Variants in OTOF observed in about 807,000 individuals in gnomAD.
The protein encoded by OTOF is fer-1-like family member 2.
A neutral mutation model predicts 236.8 loss-of-function variants in OTOF; 218 were observed. That is an observed-to-expected ratio of 0.92 (90% CI 0.82 to 1.03). The LOEUF (loss-of-function observed/expected upper bound fraction) is 1.03. Ranked by LOEUF, OTOF falls within the 50% of genes least tolerant of loss-of-function variation. OTOF has a pLI of 0.00. For synonymous variants in OTOF, 1,041 were observed against 1,072.5 expected (o/e 0.97, Z 0.57); for missense variants, 2,590 against 2,694.4 (o/e 0.96, Z 0.86).
In OTOF at chr2:26,460,670, T is replaced by C. The variant is rs781397996; in HGVS notation, c.5790A>G (p.Glu1930=). 1 of 1,613,820 alleles carries C rather than the reference T, an allele frequency of 6.2e-7. No individual in the cohort carries two copies. The highest frequency in any genetic ancestry group is 1.1e-5 in the South Asian group (1 of 91,070). The change falls in exon 45 of 47, where the codon GAA becomes GAG. Residue 1930 remains glutamate, a synonymous_variant. Transcript: ENST00000272371. This position sits in a 1 kb window ranked among gnomAD's most constrained non-coding sequence, Gnocchi z 5.3. ...ACTTGGGTTTCTCTAGGGGGTCAGG[T>C]TCATTGCGGGCCAGGCCCACTGGGT... ...EKNPVGLARN[E]PDPLEKPNRP... is the part of the protein sequence containing the mutation.
chr2:26,538,369 G>C (rs1030626384), intron 1 of OTOF, among the ~76,000 whole-genome samples: 7 of 152,244 alleles, frequency 4.6e-5, no homozygotes, highest in Admixed American at 1.3e-4. Context: ...GTCAGCCTTA[G>C]CAGAGAAGAC....
At position 26,493,558 on chromosome 2, in the gene OTOF, C is replaced by T. The variant is rs1457354701; in HGVS notation, c.897+1384G>A. On this transcript the variant is annotated intron_variant, in intron 9 of 46. Coordinates refer to ENST00000272371, the MANE Select transcript of OTOF (RefSeq NM_194248.3). ...AGGCCTGGGCATCCTGGTGAGAAAACATTTTCAATGGTCCATTTTCAAGGC... is the reference window on the plus strand; with the variant it reads ...AGGCCTGGGCATCCTGGTGAGAAAATATTTTCAATGGTCCATTTTCAAGGC... Among the ~76,000 whole-genome samples the T allele has an allele frequency of 2.6e-5, 4 of 152,190 alleles. No homozygotes were observed. The East Asian group carries it at 7.7e-4, about 29-fold the overall frequency.
intron 1 of OTOF, among the ~76,000 whole-genome samples, chr2:26,539,906 G>C (rs1667169715): frequency 6.6e-6 from 1 of 152,154 alleles, no homozygotes; most frequent in African/African-American, 2.4e-5. Flanking sequence ...CAGTGACCAT[G>C]CTTGATTTTT....
At chr2:26,535,879 G>A (rs1667057493) in intron 2 of OTOF, among the ~76,000 whole-genome samples, 2 of 152,212 alleles carry the variant, frequency 1.3e-5, no homozygotes, top group Non-Finnish European at 1.5e-5. Flanking sequence ...TTTGAATGTC[G>A]TGCATACCTG....
chr2:26,501,734 G>A lies in OTOF; in HGVS notation c.765+20C>T, dbSNP rs780941460. On this transcript the variant is annotated intron_variant, in intron 8 of 46. Coordinates refer to ENST00000272371, the MANE Select transcript of OTOF (RefSeq NM_194248.3). ...TAGAGCAGAGTCTGAAAGACATGAG[G>A]CCTCCAGGTGCCCACCTACCTGGTA... is the stretch of plus-strand genomic sequence containing the variant. The A allele has an allele frequency of 6.3e-7, 1 of 1,581,956 alleles. No homozygotes were observed. Among genetic ancestry groups the A allele is most frequent in the Non-Finnish European group, 8.7e-7 (1 of 1,150,780 alleles).
Position 26,458,201 on chromosome 2 carries a change from C to A in OTOF, c.*37G>T, listed in dbSNP as rs370818392. The A allele has an allele frequency of 6.2e-7, 1 of 1,603,270 alleles. No individual in the cohort carries two copies. Among genetic ancestry groups the A allele is most frequent in the Non-Finnish European group, 8.5e-7 (1 of 1,174,800 alleles). On this transcript the variant is annotated 3_prime_UTR_variant, in exon 47 of 47. Coordinates refer to ENST00000272371, the MANE Select transcript of OTOF (RefSeq NM_194248.3). The stretch of plus-strand genomic sequence containing the variant: ...GACTTGAGAGGGTTGAGGAACCAGA[C>A]GAAGGCCGTGTCGGGCCGGCTGGGA...
intron 8 of OTOF, among the ~76,000 whole-genome samples, chr2:26,497,089 CTTTTTTTTTTTTTTTTTT>C (rs201349303): frequency 4.1e-5 from 4 of 97,756 alleles, no homozygotes; most frequent in African/African-American, 6.1e-5. Context: ...GTACATTCTT[CTTTTTTTTTTTTTTTTTT>C]TTTTTTTTTT....
At position 26,477,178 on chromosome 2, in the gene OTOF, C is replaced by T. The variant is rs773993511; in HGVS notation, c.2517G>A (p.Ala839=). ...CCGACCCCTTGGGCCGCACCTCGTC[C>T]GCCAGGAAGCGCAGCTTCTGCAGGA... ...QNFLQKLRFL[A]DEPQHSIPDI... is the part of the protein sequence containing the mutation. Residue 839 remains alanine, a synonymous_variant, in exon 21 of 47, where the codon GCG becomes GCA. Transcript: ENST00000272371. The surrounding 1 kb of genome is among the most constrained non-coding windows in gnomAD (Gnocchi z 4.7). 62 of 1,610,182 alleles carry T rather than the reference C, an allele frequency of 3.9e-5. No individual in the cohort carries two copies. The South Asian group carries it at 5.2e-4, about 13-fold the overall frequency.
In OTOF at chr2:26,483,537, A is replaced by G. The variant is rs201171459; in HGVS notation, c.1317T>C (p.Asn439=). The G allele has an allele frequency of 6.5e-4, 1,045 of 1,614,002 alleles. 12 individuals are homozygous for G. The South Asian group carries it at 0.01, about 16-fold the overall frequency. The stretch of plus-strand genomic sequence containing the variant: ...TTTCACCGATGAAAGCCTTCTTTAC[A>G]TTGGCCATGAGGCTTGTGTTCATAC... ...LPRMNTSLMA[N]VKKAFIGENK... Residue 439 remains asparagine, a synonymous_variant, in exon 13 of 47, where the codon AAT becomes AAC. Transcript: ENST00000272371.
At chr2:26,547,998 T>C (rs1667374658) in intron 1 of OTOF, among the ~76,000 whole-genome samples, 1 of 152,198 alleles carries the variant, frequency 6.6e-6, no homozygotes, top group Non-Finnish European at 1.5e-5. Flanking sequence ...TTCCATTTCT[T>C]TTTCTGTCAG....
intron 38 of OTOF, 149 bp from the exon 39 acceptor site, chr2:26,465,178 T>A: frequency 1.5e-6 from 1 of 657,262 alleles, no homozygotes; most frequent in Non-Finnish European, 2.4e-6. Context: ...CAGGCTCACC[T>A]GAGACACTAG....
At chr2:26,478,085 G>C in intron 18 of OTOF, 1 of 1,386,634 alleles carries the variant, frequency 7.2e-7, no homozygotes, top group Non-Finnish European at 9.4e-7. Flanking sequence ...GAAACCCTAG[G>C]ACTGGATGTG....
intron 8 of OTOF, among the ~76,000 whole-genome samples, chr2:26,498,814 G>A (rs770096386): frequency 2.0e-5 from 3 of 152,170 alleles, no homozygotes; most frequent in Non-Finnish European, 2.9e-5. Flanking sequence ...GAGTTGGTGC[G>A]CCCTTTAGTA....
chr2:26,475,810 CCAGGCCCCACAGGCTCA>C lies in OTOF; in HGVS notation c.2991+87_2991+103del, dbSNP rs1025558088. The C allele has an allele frequency of 3.8e-5, 55 of 1,442,584 alleles. 1 individual carries two copies. The African/African-American group carries it at 6.2e-4, about 16-fold the overall frequency. 89.4% of individuals were successfully genotyped at this position (1,442,584 alleles called of 1,614,324 possible). A position where few individuals can be genotyped will look rare whatever the true frequency, so the allele number is the denominator to read the frequency against. Reference sequence around the variant, plus strand: ...CCGGGGCACTGGCTGACCTGTGGCTCCAGGCCCCACAGGCTCACAGGCCCCACAGGCTCCAGTCCCCA... The same window carrying C: ...CCGGGGCACTGGCTGACCTGTGGCTCCAGGCCCCACAGGCTCCAGTCCCCA... On this transcript the variant is annotated intron_variant, in intron 24 of 46. Transcript: ENST00000272371.
intron 9 of OTOF, among the ~76,000 whole-genome samples, chr2:26,494,465 G>A (rs546259732): frequency 4.5e-4 from 68 of 152,372 alleles, no homozygotes; most frequent in African/African-American, 1.5e-3. Context: ...AAGTCTCACT[G>A]TCCCCTTGTG....
chr2:26,516,932 C>T (rs1666544694), intron 4 of OTOF, among the ~76,000 whole-genome samples: 1 of 152,168 alleles, frequency 6.6e-6, no homozygotes, highest in African/African-American at 2.4e-5. Flanking sequence ...GTCTACATAA[C>T]CGAGAGTGTC....
chr2:26,540,832 G>A (rs1047010409), intron 1 of OTOF, among the ~76,000 whole-genome samples: 11 of 152,116 alleles, frequency 7.2e-5, no homozygotes, highest in Non-Finnish European at 1.5e-4. Context: ...GAGATGTGAA[G>A]TAAACATGAT....
At chr2:26,542,070 G>A (rs969960492) in intron 1 of OTOF, among the ~76,000 whole-genome samples, 11 of 152,198 alleles carry the variant, frequency 7.2e-5, no homozygotes, top group African/African-American at 1.9e-4. Context: ...ATACCCACAC[G>A]ACAGATCTTC....
chr2:26,497,257 C>T (rs1009497492), intron 8 of OTOF, among the ~76,000 whole-genome samples: 2 of 152,036 alleles, frequency 1.3e-5, no homozygotes, highest in East Asian at 1.9e-4. Flanking sequence ...CGCCTGCCAC[C>T]GCACGGCTAA....
Sources: gnomAD v4.1 joint callset for allele counts (sites outside exome capture counted in the v4.1 genomes callset) on GRCh38, gnomAD v4.1.1 for gene constraint, Gnocchi (gnomAD v3.1) non-coding constraint, MANE v1.5 for transcripts, NCBI Gene and HGNC (gene_info 2026-07-23, HGNC 2026-07-21) for gene names.